UIMC1: variants seen among roughly 807,000 people sequenced by gnomAD.
UIMC1 encodes the protein ubiquitin interaction motif containing 1, also known as BRCA1-A complex subunit RAP80.
Under a neutral mutation model 84.9 loss-of-function variants are expected in UIMC1, and 42 were observed. The observed-to-expected ratio is 0.49, with a 90% confidence interval of 0.39 to 0.64. The LOEUF (loss-of-function observed/expected upper bound fraction) is 0.64. UIMC1 is among the 30% of genes least tolerant of loss of function. The pLI, the probability that UIMC1 is intolerant of heterozygous loss-of-function variation, is 0.00. For missense variants in UIMC1, 825 were observed against 847.6 expected, an observed-to-expected ratio of 0.97 and a Z score of 0.33; for synonymous variants, 281 against 293.0, an observed-to-expected ratio of 0.96 and a Z score of 0.42.
rs751545705 is a variant in UIMC1, at chr5:176,947,820, G to GA, written c.1443+3653dup. ...AACAGGGTGAGACTCCATCTCAAAA[G>GA]AAAAAAAAAAAAATTATACAACTAT... is the stretch of plus-strand genomic sequence containing the variant. On this transcript the variant is annotated intron_variant, in intron 9 of 14. Coordinates refer to ENST00000511320, the MANE Select transcript of UIMC1 (RefSeq NM_001199298.2). 2.7e-3 allele frequency among the ~76,000 whole-genome samples: 310 copies of GA among 113,042 alleles called. 3 individuals are homozygous for GA. The highest frequency in any genetic ancestry group is 0.023 in the East Asian group (91 of 3,900). 74.2% of individuals were successfully genotyped at this position (113,042 alleles called of 152,430 possible).
intron 1 of UIMC1, among the ~76,000 whole-genome samples, chr5:177,021,185 G>A (rs752176698): frequency 3.3e-5 from 5 of 152,170 alleles, no homozygotes; most frequent in Non-Finnish European, 7.3e-5. Flanking sequence ...GGCTGAGGCT[G>A]GAGAATTGCT....
intron 10 of UIMC1, among the ~76,000 whole-genome samples, chr5:176,913,640 A>G (rs1011888483): frequency 2.6e-5 from 4 of 152,254 alleles, no homozygotes; most frequent in African/African-American, 9.6e-5. Context: ...CTGAACTTAA[A>G]GGAAATTAAG....
chr5:176,978,234 G>T (rs141939244), intron 2 of UIMC1, among the ~76,000 whole-genome samples: 3 of 152,002 alleles, frequency 2.0e-5, no homozygotes, highest in Non-Finnish European at 4.4e-5. Context: ...CTAGCCAGGC[G>T]TGGTGGCAGG....
rs1759311740 is a variant in UIMC1, at chr5:176,906,000, A to G, written c.1949+11T>C. ...GCTGACAGCCACAATTCAGTGCACA[A>G]TCCAATTCACCTGAAGGCTCCTGTT... On this transcript the variant is annotated intron_variant, in intron 14 of 14. Transcript: ENST00000511320. 2.5e-6 allele frequency: 4 copies of G among 1,614,058 alleles called. No individual in the cohort carries two copies. The South Asian group carries it at 4.4e-5, about 18-fold the overall frequency.
intron 6 of UIMC1, among the ~76,000 whole-genome samples, chr5:176,964,851 A>T (rs957550656): frequency 1.3e-5 from 2 of 152,130 alleles, no homozygotes; most frequent in African/African-American, 4.8e-5. Context: ...TTGACAAGTA[A>T]CCTCCATCAA....
In UIMC1 at chr5:176,995,537, C is replaced by CAAAA. The variant is rs57521139; in HGVS notation, c.-9+11109_-9+11112dup. Among the ~76,000 whole-genome samples the CAAAA allele has an allele frequency of 8.5e-4, 31 of 36,550 alleles. 1 individual carries two copies. Among genetic ancestry groups the CAAAA allele is most frequent in the African/African-American group, 2.7e-3 (26 of 9,660 alleles). 24.0% of individuals were successfully genotyped at this position (36,550 alleles called of 152,430 possible). On this transcript the variant is annotated intron_variant, in intron 1 of 14. Transcript: ENST00000511320. ...GGGTGACAGAGAAAGACTCTGTCTC[C>CAAAA]AAAAAAAAAAAAAAAAAAAAAAAAG...
intron 1 of UIMC1, among the ~76,000 whole-genome samples, chr5:177,005,908 G>A (rs1004169420): frequency 3.3e-5 from 5 of 152,154 alleles, no homozygotes; most frequent in African/African-American, 1.2e-4. Flanking sequence ...CGGCTGTGGC[G>A]CTCGAGAAGC....
chr5:176,964,919 T>G (rs1768048879), intron 6 of UIMC1, among the ~76,000 whole-genome samples: 1 of 152,168 alleles, frequency 6.6e-6, no homozygotes. Flanking sequence ...CCTGAAAATT[T>G]AAAATTTGAA....
At chr5:176,949,297 T>C (rs1048560918) in intron 9 of UIMC1, among the ~76,000 whole-genome samples, 1 of 152,122 alleles carries the variant, frequency 6.6e-6, no homozygotes, top group African/African-American at 2.4e-5. Flanking sequence ...GGACATTCAA[T>C]GTGAGAAAGG....
chr5:176,932,504 T>TATAGATAG (rs147552199), intron 10 of UIMC1, among the ~76,000 whole-genome samples: 1 of 151,260 alleles, frequency 6.6e-6, no homozygotes, highest in African/African-American at 2.4e-5. Context: ...AGGAGACAGA[T>TATAGATAG]ATAGATAGAT....
At chr5:177,013,604 C>T (rs936495427) in intron 1 of UIMC1, among the ~76,000 whole-genome samples, 1 of 152,114 alleles carries the variant, frequency 6.6e-6, no homozygotes, top group Non-Finnish European at 1.5e-5. Context: ...GACTTAAATA[C>T]ACCAAGTGTT....
chr5:176,943,427 T>C lies in UIMC1; in HGVS notation c.1505A>G (p.Gln502Arg), dbSNP rs775523987. The change falls in exon 10 of 15, where the codon CAG becomes CGG. Residue 502 changes from glutamine to arginine, a missense_variant. By Grantham distance (43) the Gln-to-Arg change is conservative (BLOSUM62 1). Coordinates refer to ENST00000511320, the MANE Select transcript of UIMC1 (RefSeq NM_001199298.2). ...VAISTFSSSN[Q>R]VSCPLCDQCF... Reference sequence around the variant, plus strand: ...TTGGTCACATAGCGGGCAGGATACCTGGTTACTGGATGAGAAGGTAGAAAT... The same window carrying C: ...TTGGTCACATAGCGGGCAGGATACCCGGTTACTGGATGAGAAGGTAGAAAT... 1 of 1,614,222 alleles carries C rather than the reference T, an allele frequency of 6.2e-7. No homozygotes were observed. Among genetic ancestry groups the C allele is most frequent in the Admixed American group, 1.7e-5 (1 of 60,018 alleles).
rs1370156978 is a variant in UIMC1, at chr5:176,968,690, A to G, written c.1065T>C (p.Asp355=). ...ACTCCTGCCTCTCCTCTTTGTCTTC[A>G]TCTCCCATATCTTCTGAGATGCATT... ...KNECISEDMG[D]EDKEERQESR... is the part of the protein sequence containing the mutation. Residue 355 remains aspartate (D), a synonymous_variant, in exon 6 of 15, where the codon GAT becomes GAC. Transcript: ENST00000511320. The G allele has an allele frequency of 1.2e-6, 2 of 1,614,018 alleles. No homozygotes were observed. The highest frequency in any genetic ancestry group is 1.7e-5 in the Admixed American group (1 of 59,996).
rs35583665 is a variant in UIMC1, at chr5:176,923,900, G to GACAC, written c.1598-12515_1598-12512dup. Among the ~76,000 whole-genome samples, 355 of 145,656 alleles carry GACAC rather than the reference G, an allele frequency of 2.4e-3. 1 individual carries two copies. The highest frequency in any genetic ancestry group is 0.015 in the South Asian group (68 of 4,568). ...ATATATATATATATACACACACACA[G>GACAC]ACACACACACACACACACACACACA... On this transcript the variant is annotated intron_variant, in intron 10 of 14. Transcript: ENST00000511320.
At chr5:176,967,024 A>G (rs1011505230) in intron 6 of UIMC1, among the ~76,000 whole-genome samples, 1 of 152,214 alleles carries the variant, frequency 6.6e-6, no homozygotes, top group Middle Eastern at 3.2e-3. Context: ...AAAGATCAAG[A>G]AGTCTGACAA....
chr5:176,980,302 T>C (rs530613235), intron 2 of UIMC1: 1 of 151,350 alleles, frequency 6.6e-6, no homozygotes, highest in Non-Finnish European at 1.5e-5. Flanking sequence ...CTGTCCGTCC[T>C]TCTGTCCGTC....
At chr5:176,978,154 G>C (rs1279320182) in intron 2 of UIMC1, among the ~76,000 whole-genome samples, 1 of 151,918 alleles carries the variant, frequency 6.6e-6, no homozygotes, top group African/African-American at 2.4e-5. Context: ...GACGGATCAC[G>C]AGGTCAGGAG....
At position 176,930,194 on chromosome 5, in the gene UIMC1, C is replaced by T. The variant is rs561085671; in HGVS notation, c.1597+13141G>A. ...TCTGGATTCCATCTCTCTGCCTCCA[C>T]CCCATCCCCCACCCCAGAGGTGGCC... On this transcript the variant is annotated intron_variant, in intron 10 of 14. Transcript: ENST00000511320. Among the ~76,000 whole-genome samples, 6 of 152,262 alleles carry T rather than the reference C, an allele frequency of 3.9e-5. No homozygotes were observed. In the South Asian group the frequency reaches 1.2e-3, roughly 32 times the overall value.
At chr5:176,905,967 T>G in intron 14 of UIMC1, 44 bp downstream of exon 14, 1 of 1,612,454 alleles carries the variant, frequency 6.2e-7, no homozygotes, top group Non-Finnish European at 8.5e-7. Context: ...CCTGCACTTT[T>G]CAGAAATGCT....
Sources: gnomAD v4.1 joint callset for allele counts (sites outside exome capture counted in the v4.1 genomes callset) on GRCh38, gnomAD v4.1.1 for gene constraint, MANE v1.5 for transcripts, NCBI Gene and HGNC (gene_info 2026-07-23, HGNC 2026-07-21) for gene names.